Variants in CCNH observed in about 807,000 individuals in gnomAD.
CCNH encodes cyclin H.
In CCNH, 31 loss-of-function variants were observed where a neutral mutation model predicts 41.9. The ratio of observed to expected loss-of-function variants is 0.74; its 90% CI spans 0.56 to 1.00. CCNH has a LOEUF of 1.00. CCNH is among the 50% of genes least tolerant of loss of function. The pLI is 0.00. For synonymous variants in CCNH, 138 were observed against 136.1 expected, an observed-to-expected ratio of 1.01 and a Z score of -0.10; for missense variants, 362 against 388.4, an observed-to-expected ratio of 0.93 and a Z score of 0.57.
the CCNH span, among the ~76,000 whole-genome samples, chr5:87,312,616 C>T: frequency 6.6e-6 from 1 of 152,014 alleles, no homozygotes; most frequent in South Asian, 2.1e-4. Context: ...TAGAGGTTAT[C>T]GAAGGATGAG....
At chr5:87,363,722 A>G (rs1215742576) in intron 9 of CCNH, among the ~76,000 whole-genome samples, 3 of 152,042 alleles carry the variant, frequency 2.0e-5, no homozygotes, top group Non-Finnish European at 4.4e-5. Flanking sequence ...CATTTCCTGT[A>G]GTAAAGCATG....
upstream of CCNH, chr5:87,380,705 C>G (rs1467619495): frequency 2.9e-6 from 3 of 1,018,958 alleles, no homozygotes; most frequent in Non-Finnish European, 4.6e-6. Flanking sequence ...GCTTTTATGT[C>G]AAAGCCCTGT....
intron 9 of CCNH, chr5:87,362,588 A>G: frequency 6.3e-7 from 1 of 1,597,082 alleles, no homozygotes; most frequent in Non-Finnish European, 8.6e-7. Flanking sequence ...GTGGATGGCA[A>G]GGAAATCTAT....
At chr5:87,389,651 A>T (rs1762337305), downstream of CCNH, 3 of 1,279,966 alleles carry the variant, frequency 2.3e-6, no homozygotes, top group South Asian at 1.2e-5. Flanking sequence ...ACTCTGCATC[A>T]TATTACAAAA....
downstream of CCNH, among the ~76,000 whole-genome samples, chr5:87,315,053 AAG>A (rs1245525746): frequency 2.0e-5 from 3 of 152,216 alleles, no homozygotes; most frequent in African/African-American, 4.8e-5. Flanking sequence ...GTAAAGTATA[AAG>A]AGTTTTATAT....
intron 9 of CCNH, among the ~76,000 whole-genome samples, chr5:87,341,621 A>G (rs1205532027): frequency 1.3e-5 from 2 of 152,138 alleles, no homozygotes; most frequent in Non-Finnish European, 2.9e-5. Context: ...AAAATTATTC[A>G]TAGTATTTCT....
At chr5:87,329,034 G>A (rs1163351428) in intron 9 of CCNH, among the ~76,000 whole-genome samples, 5 of 152,108 alleles carry the variant, frequency 3.3e-5, no homozygotes, top group Admixed American at 2.6e-4. Flanking sequence ...TGAAGCTTAC[G>A]ACCTTTTGAC....
chr5:87,336,955 A>G (rs879886474), intron 9 of CCNH, among the ~76,000 whole-genome samples: 2 of 152,122 alleles, frequency 1.3e-5, no homozygotes, highest in African/African-American at 2.4e-5. Flanking sequence ...TGTCCAAGAT[A>G]CAATGAAGCT....
intron 3 of CCNH, 49 bp from the exon 4 acceptor site, chr5:87,408,235 A>T (rs747458967): frequency 1.2e-6 from 1 of 858,974 alleles, no homozygotes; most frequent in Non-Finnish European, 1.9e-6. Flanking sequence ...GTGGGGTGGA[A>T]GAACATGCAT....
At chr5:87,403,527 C>T (rs1184154516) in intron 5 of CCNH, among the ~76,000 whole-genome samples, 1 of 152,136 alleles carries the variant, frequency 6.6e-6, no homozygotes, top group Non-Finnish European at 1.5e-5. Flanking sequence ...CCTGTCACCC[C>T]AGCACTTTGG....
At chr5:87,388,138 A>G (rs540798112), downstream of CCNH, among the ~76,000 whole-genome samples, 5 of 152,286 alleles carry the variant, frequency 3.3e-5, no homozygotes, top group South Asian at 6.2e-4. Context: ...CTGTGTTGCT[A>G]TGATTACTTT....
chr5:87,374,455 ATATAT>A (rs1761173165), downstream of CCNH: 5 of 264,186 alleles, frequency 1.9e-5, no homozygotes, highest in African/African-American at 7.9e-5. Flanking sequence ...ATATATATAT[ATATAT>A]TTTTTTTTTT....
intron 6 of CCNH, among the ~76,000 whole-genome samples, chr5:87,400,517 AC>A (rs1409872053): frequency 1.3e-5 from 2 of 152,134 alleles, no homozygotes; most frequent in Non-Finnish European, 2.9e-5. Context: ...TTTAAAGTGT[AC>A]CCCCTAGTGG....
intron 6 of CCNH, among the ~76,000 whole-genome samples, chr5:87,400,290 AT>A (rs1763301399): frequency 6.6e-6 from 1 of 152,216 alleles, no homozygotes; most frequent in Non-Finnish European, 1.5e-5. Context: ...TTAGGACAGT[AT>A]CTATGTTCCA....
intron 9 of CCNH, among the ~76,000 whole-genome samples, chr5:87,357,936 A>G (rs1307783947): frequency 6.6e-6 from 1 of 152,210 alleles, no homozygotes; most frequent in Non-Finnish European, 1.5e-5. Flanking sequence ...AGAAACTATT[A>G]AGTGCTATTT....
At position 87,332,561 on chromosome 5, in the gene CCNH, G is replaced by T. The variant is rs756902948; in HGVS notation, c.*91-13664C>A. On this transcript the variant is annotated intron_variant and NMD_transcript_variant, in intron 9 of 9. Transcript: ENST00000645953. ...TTGGTGGAAGACGTTTTTCTTCACTGTCAGACCTAATAGGTTATTACAGTC... is the reference window on the plus strand; with the variant it reads ...TTGGTGGAAGACGTTTTTCTTCACTTTCAGACCTAATAGGTTATTACAGTC... 5.0e-6 allele frequency: 8 copies of T among 1,608,070 alleles called. No individual in the cohort carries two copies. The South Asian group carries it at 6.6e-5, about 13-fold the overall frequency.
At chr5:87,358,014 AACTC>A (rs778295188) in intron 9 of CCNH, among the ~76,000 whole-genome samples, 8 of 152,274 alleles carry the variant, frequency 5.3e-5, no homozygotes, top group Admixed American at 6.5e-5. Context: ...GGAATAATAA[AACTC>A]ACTCATTCTT....
intron 9 of CCNH, among the ~76,000 whole-genome samples, chr5:87,335,316 T>C (rs956242079): frequency 2.0e-5 from 3 of 151,916 alleles, no homozygotes; most frequent in Non-Finnish European, 4.4e-5. Context: ...GAGTTTTGAG[T>C]AAAAATTTGA....
chr5:87,351,251 T>C (rs998845661), intron 9 of CCNH, among the ~76,000 whole-genome samples: 1 of 151,714 alleles, frequency 6.6e-6, no homozygotes, highest in South Asian at 2.1e-4. Context: ...TTATCTACTT[T>C]GTGAAATATA....
Sources: gnomAD v4.1 joint callset for allele counts (sites outside exome capture counted in the v4.1 genomes callset) on GRCh38, gnomAD v4.1.1 for gene constraint, MANE v1.5 for transcripts, NCBI Gene and HGNC (gene_info 2026-07-23, HGNC 2026-07-21) for gene names.